Variants in DYM observed in about 807,000 individuals in gnomAD.
DYM encodes dymeclin.
Under a neutral mutation model 93.1 loss-of-function variants are expected in DYM, and 78 were observed. The observed-to-expected ratio is 0.84, with a 90% CI of 0.70 to 1.01. The LOEUF (loss-of-function observed/expected upper bound fraction) is 1.01. Ranked by LOEUF, DYM falls within the 50% of genes least tolerant of loss-of-function variation. The pLI, the probability that DYM is intolerant of heterozygous loss-of-function variation, is 0.00. For synonymous variants in DYM, 321 were observed against 319.7 expected, an observed-to-expected ratio of 1.00 and a Z score of -0.04; for missense variants, 789 against 845.0, an observed-to-expected ratio of 0.93 and a Z score of 0.82.
chr18:49,314,272 T>C (rs1002461247), intron 8 of DYM, among the ~76,000 whole-genome samples: 6 of 152,240 alleles, frequency 3.9e-5, no homozygotes, highest in Non-Finnish European at 5.9e-5. Flanking sequence ...TGCTTTTCAC[T>C]CAACATTGTG....
intron 16 of DYM, among the ~76,000 whole-genome samples, chr18:49,101,082 C>T (rs1032901888): frequency 6.6e-6 from 1 of 152,120 alleles, no homozygotes; most frequent in African/African-American, 2.4e-5. Flanking sequence ...TATAATAGTA[C>T]TTTTAGTGAT....
chr18:49,114,679 G>T, intron 16 of DYM: 1 of 546,148 alleles, frequency 1.8e-6, no homozygotes, highest in Non-Finnish European at 2.3e-6. Flanking sequence ...TCGTGTGTGT[G>T]TGTGTGTGTG....
At chr18:49,252,442 G>C (rs2094311674) in intron 13 of DYM, among the ~76,000 whole-genome samples, 1 of 151,874 alleles carries the variant, frequency 6.6e-6, no homozygotes, top group Admixed American at 6.6e-5. Context: ...GGTCTTTTGA[G>C]ACTCACTATC....
At chr18:49,118,150 T>C (rs1599873583) in intron 16 of DYM, among the ~76,000 whole-genome samples, 1 of 151,696 alleles carries the variant, frequency 6.6e-6, no homozygotes, top group Admixed American at 6.6e-5. Context: ...GCTGGGATTA[T>C]AGGCATCAGC....
chr18:49,097,644 G>T, intron 16 of DYM, 129 bp from the exon 17 acceptor site: 1 of 848,894 alleles, frequency 1.2e-6, no homozygotes, highest in Non-Finnish European at 1.9e-6. Context: ...TAATTCACTA[G>T]CCCTCCTAAA....
At chr18:49,362,951 GT>G (rs1251013663) in intron 6 of DYM, among the ~76,000 whole-genome samples, 1 of 152,184 alleles carries the variant, frequency 6.6e-6, no homozygotes, top group Admixed American at 6.5e-5. Flanking sequence ...TAGTTTCACT[GT>G]TTTCCCCTTA....
At chr18:49,305,858 A>G (rs1054774971) in intron 8 of DYM, among the ~76,000 whole-genome samples, 9 of 152,168 alleles carry the variant, frequency 5.9e-5, no homozygotes, top group Non-Finnish European at 1.3e-4. Flanking sequence ...TTCCAAATAA[A>G]TGATTCATGA....
intron 8 of DYM, among the ~76,000 whole-genome samples, chr18:49,320,763 G>A (rs1473593225): frequency 2.0e-5 from 3 of 152,108 alleles, no homozygotes; most frequent in East Asian, 1.9e-4. Flanking sequence ...GTGAGCCACC[G>A]TGGCTGGCCT....
chr18:49,302,656 T>C (rs1400194008), intron 8 of DYM, among the ~76,000 whole-genome samples: 1 of 152,184 alleles, frequency 6.6e-6, no homozygotes, highest in Non-Finnish European at 1.5e-5. Context: ...AGGAAAACAG[T>C]AGCTTCTGCT....
At chr18:49,392,048 C>T (rs1331952939) in intron 2 of DYM, among the ~76,000 whole-genome samples, 1 of 151,824 alleles carries the variant, frequency 6.6e-6, no homozygotes, top group Non-Finnish European at 1.5e-5. Context: ...GTCATGATTG[C>T]TACAATACTT....
intron 13 of DYM, among the ~76,000 whole-genome samples, chr18:49,223,067 C>A (rs1354378274): frequency 6.6e-6 from 1 of 151,948 alleles, no homozygotes; most frequent in Non-Finnish European, 1.5e-5. Flanking sequence ...CAAAAAATTC[C>A]ATCTAAATGA....
chr18:49,413,520 T>C (rs1267204385), intron 2 of DYM, among the ~76,000 whole-genome samples: 2 of 152,160 alleles, frequency 1.3e-5, no homozygotes, highest in Non-Finnish European at 2.9e-5. Flanking sequence ...TTTTATCATG[T>C]AAGAAAAATC....
At chr18:49,359,371 T>C (rs2065834049) in intron 6 of DYM, among the ~76,000 whole-genome samples, 1 of 152,136 alleles carries the variant, frequency 6.6e-6, no homozygotes, top group South Asian at 2.1e-4. Flanking sequence ...TCCTGAAAGA[T>C]GAACAATTTT....
intron 13 of DYM, among the ~76,000 whole-genome samples, chr18:49,256,058 T>C (rs535317939): frequency 7.8e-6 from 1 of 128,794 alleles, no homozygotes; most frequent in African/African-American, 3.0e-5. Context: ...CACTCCATCC[T>C]GGGTGACAGA....
At position 49,242,437 on chromosome 18, in the gene DYM, G is replaced by A. The variant is rs115934003; in HGVS notation, c.1460+14573C>T. 3.1e-3 allele frequency among the ~76,000 whole-genome samples: 477 copies of A among 152,032 alleles called. 4 individuals carry two copies. Among genetic ancestry groups the A allele is most frequent in the African/African-American group, 0.011 (442 of 41,462 alleles). On this transcript the variant is annotated intron_variant, in intron 13 of 17. Transcript: ENST00000675505. ...AAAAAATAATAATAACAATAAAAAT[G>A]CATAAAGTAATCTGAGTATTTCAAC...
intron 1 of DYM, among the ~76,000 whole-genome samples, chr18:49,432,825 G>A (rs1250456228): frequency 6.6e-6 from 1 of 151,980 alleles, no homozygotes; most frequent in African/African-American, 2.4e-5. Flanking sequence ...TGTTGCCCAG[G>A]CTGGTCTCGA....
chr18:49,312,409 G>A (rs778132105), intron 8 of DYM, among the ~76,000 whole-genome samples: 4 of 151,942 alleles, frequency 2.6e-5, no homozygotes, highest in African/African-American at 4.8e-5. Context: ...CTACACTGTC[G>A]TGTCCACCTT....
At chr18:49,120,438 T>C (rs1599889556) in intron 15 of DYM, among the ~76,000 whole-genome samples, 2 of 152,138 alleles carry the variant, frequency 1.3e-5, no homozygotes, top group Non-Finnish European at 2.9e-5. Flanking sequence ...CAGTATACCA[T>C]ACCTTTAAGG....
intron 17 of DYM, among the ~76,000 whole-genome samples, chr18:49,084,513 T>G (rs1450808091): frequency 1.3e-5 from 2 of 152,202 alleles, no homozygotes; most frequent in African/African-American, 4.8e-5. Context: ...CTTGCTGTCT[T>G]TCTATCTAGT....
Sources: gnomAD v4.1 joint callset for allele counts (sites outside exome capture counted in the v4.1 genomes callset) on GRCh38, gnomAD v4.1.1 for gene constraint, MANE v1.5 for transcripts, NCBI Gene and HGNC (gene_info 2026-07-23, HGNC 2026-07-21) for gene names.